JPH3: variants seen among roughly 807,000 people sequenced by gnomAD.
JPH3 encodes junctophilin-3.
In JPH3, 11 loss-of-function variants were observed where a neutral mutation model predicts 59.6. The observed-to-expected ratio is 0.18, with a 90% CI of 0.12 to 0.31. JPH3 has a LOEUF of 0.31. Among genes scored for constraint, JPH3 ranks in the 10% least tolerant of loss-of-function variants. The pLI, the probability that JPH3 is intolerant of heterozygous loss-of-function variation, is 1.00. For missense variants in JPH3, 1,202 were observed against 1,105.7 expected (o/e 1.09, Z -1.24); for synonymous variants, 673 against 483.6 (o/e 1.39, Z -5.14).
chr16:87,625,450 G>A (rs1012610215), intron 1 of JPH3, among the ~76,000 whole-genome samples: 1 of 152,204 alleles, frequency 6.6e-6, no homozygotes, highest in African/African-American at 2.4e-5. Context: ...CCACCTGAGA[G>A]GTCTGAACCC....
intron 1 of JPH3, among the ~76,000 whole-genome samples, chr16:87,607,022 C>T (rs2030546159): frequency 6.6e-6 from 1 of 152,186 alleles, no homozygotes; most frequent in South Asian, 2.1e-4. Context: ...CATCCCAGAG[C>T]CTGGGCCTTT....
intron 4 of JPH3, chr16:87,695,202 C>T: frequency 7.4e-6 from 3 of 406,866 alleles, no homozygotes; most frequent in South Asian, 3.6e-5. Context: ...CTCCTTAATG[C>T]AGGCCTGAGC....
chr16:87,647,477 C>T (rs1055240575), intron 2 of JPH3, among the ~76,000 whole-genome samples: 5 of 152,188 alleles, frequency 3.3e-5, no homozygotes, highest in Non-Finnish European at 7.4e-5. Flanking sequence ...GCCAACCCCC[C>T]GACAGCCTTT....
Position 87,689,681 on chromosome 16 carries a change from T to G in JPH3, c.1321T>G (p.Cys441Gly), listed in dbSNP as rs777895191. The G allele has an allele frequency of 7.4e-6, 12 of 1,612,294 alleles. No individual in the cohort carries two copies. The highest frequency in any genetic ancestry group is 1.0e-5 in the Non-Finnish European group (12 of 1,179,722). ...EYQRPKRQTS[C>G]DDIEVLSTGT... ...CCAGAGGCCGAAGCGTCAGACCTCC[T>G]GTGACGACATCGAGGTGCTGTCCAC... Residue 441 changes from cysteine to glycine, a missense_variant, in exon 4 of 5, where the codon TGT (cysteine) becomes GGT (glycine). By Grantham distance (159) the Cys-to-Gly change is radical (BLOSUM62 -3). Coordinates refer to ENST00000284262, the MANE Select transcript of JPH3 (RefSeq NM_020655.4).
intron 1 of JPH3, among the ~76,000 whole-genome samples, chr16:87,620,968 G>A (rs954180568): frequency 6.6e-6 from 1 of 152,178 alleles, no homozygotes; most frequent in South Asian, 2.1e-4. Flanking sequence ...GACCAGCTTG[G>A]CCAACATGGT....
At chr16:87,683,135 G>C (rs1403229686) in intron 2 of JPH3, among the ~76,000 whole-genome samples, 1 of 152,246 alleles carries the variant, frequency 6.6e-6, no homozygotes, top group Non-Finnish European at 1.5e-5. Flanking sequence ...TCCCAAGTCA[G>C]AGTTGCTGGG....
At chr16:87,694,962 C>T (rs942308809) in intron 4 of JPH3, 35 of 284,940 alleles carry the variant, frequency 1.2e-4, no homozygotes, top group Non-Finnish European at 1.9e-4. Flanking sequence ...CACTGGACAG[C>T]TGGCTCTGCT....
At chr16:87,642,733 C>T (rs74039404) in intron 1 of JPH3, among the ~76,000 whole-genome samples, 26,699 of 152,190 alleles carry the variant, frequency 0.18, 2,713 homozygotes, top group South Asian at 0.32. Context: ...TGAGGCCCAG[C>T]CGTCCTCACG....
intron 2 of JPH3, among the ~76,000 whole-genome samples, chr16:87,676,727 C>T (rs769113521): frequency 2.0e-5 from 3 of 151,308 alleles, no homozygotes; most frequent in Non-Finnish European, 2.9e-5. Flanking sequence ...GAGCAAGACT[C>T]CATCTCAAAA....
At chr16:87,644,206 G>A (rs2032052971) in intron 1 of JPH3, 52 bp from the exon 2 acceptor site, 2 of 1,542,016 alleles carry the variant, frequency 1.3e-6, no homozygotes, top group African/African-American at 2.7e-5. Flanking sequence ...TGGCCAGGCT[G>A]TGCCCCCTCC....
intron 2 of JPH3, among the ~76,000 whole-genome samples, chr16:87,666,289 A>T (rs2032858332): frequency 6.6e-6 from 1 of 151,560 alleles, no homozygotes; most frequent in African/African-American, 2.4e-5. Context: ...GGGTTTCATC[A>T]TGTTGGTCAG....
At chr16:87,641,985 AG>A (rs974027945) in intron 1 of JPH3, among the ~76,000 whole-genome samples, 6 of 148,284 alleles carry the variant, frequency 4.0e-5, no homozygotes, top group South Asian at 4.3e-4. Flanking sequence ...GCTGTGGAGG[AG>A]GGGTGGGGCT....
intron 1 of JPH3, among the ~76,000 whole-genome samples, chr16:87,619,551 C>A (rs1220049045): frequency 6.6e-6 from 1 of 152,186 alleles, no homozygotes; most frequent in Non-Finnish European, 1.5e-5. Flanking sequence ...TAAGCGGCGA[C>A]AGGACAAAGC....
chr16:87,611,851 C>G lies in JPH3; in HGVS notation c.382+8323C>G, dbSNP rs949507599. On this transcript the variant is annotated intron_variant, in intron 1 of 4. Transcript: ENST00000284262. The surrounding 1 kb of genome is among the most constrained non-coding windows in gnomAD (Gnocchi z 4.5). ...AACCACAGTCCTGGGCTTGTGCCTC[C>G]TAAGCCTGGCTACACATTCGAGTCA... Among the ~76,000 whole-genome samples the G allele has an allele frequency of 6.6e-6, 1 of 152,228 alleles. No individual in the cohort carries two copies. Among genetic ancestry groups the G allele is most frequent in the Non-Finnish European group, 1.5e-5 (1 of 68,030 alleles).
chr16:87,666,070 A>G (rs140302977), intron 2 of JPH3, among the ~76,000 whole-genome samples: 1 of 151,346 alleles, frequency 6.6e-6, no homozygotes, highest in Non-Finnish European at 1.5e-5. Flanking sequence ...TATCAGGTAA[A>G]TAACAGGTAC....
intron 2 of JPH3, among the ~76,000 whole-genome samples, chr16:87,668,092 C>G (rs58305102): frequency 6.6e-6 from 1 of 152,154 alleles, no homozygotes; most frequent in Non-Finnish European, 1.5e-5. Flanking sequence ...ATGAGCAGAG[C>G]GCAGCGCCCG....
At position 87,659,341 on chromosome 16, in the gene JPH3, C is replaced by T. The variant is rs545250130; in HGVS notation, c.1160+14306C>T. On this transcript the variant is annotated intron_variant, in intron 2 of 4. Coordinates refer to ENST00000284262, the MANE Select transcript of JPH3 (RefSeq NM_020655.4). ...GCACTGAGCCAAGATCAAGCCACTG[C>T]ACTCCAGCCTGGGTGACAGAGTAAG... Among the ~76,000 whole-genome samples, 675 of 140,254 alleles carry T rather than the reference C, an allele frequency of 4.8e-3. 10 individuals are homozygous for T. The highest frequency in any genetic ancestry group is 0.017 in the African/African-American group (636 of 37,022). The allele number at this position is 140,254 out of a possible 152,430, so 92.0% of individuals were successfully genotyped here.
intron 3 of JPH3, among the ~76,000 whole-genome samples, chr16:87,688,920 G>A (rs999117611): frequency 6.6e-6 from 1 of 152,198 alleles, no homozygotes; most frequent in Non-Finnish European, 1.5e-5. Context: ...ACGGAGCTCC[G>A]GAGAAGTCTC....
At position 87,635,346 on chromosome 16, in the gene JPH3, G is replaced by A. The variant is rs543146530; in HGVS notation, c.383-8912G>A. On this transcript the variant is annotated intron_variant, in intron 1 of 4. Transcript: ENST00000284262. Reference sequence around the variant, plus strand: ...CCGAAACTAAAGTTTTGGGAAGAGTGTCAGCTGACGGGTGGGGCTTCAGAG... The same window carrying A: ...CCGAAACTAAAGTTTTGGGAAGAGTATCAGCTGACGGGTGGGGCTTCAGAG... Among the ~76,000 whole-genome samples the A allele has an allele frequency of 1.4e-3, 212 of 152,296 alleles. 1 individual carries two copies. The highest frequency in any genetic ancestry group is 5.0e-3 in the African/African-American group (207 of 41,562).
Sources: allele counts gnomAD v4.1 joint callset (sites outside exome capture counted in the v4.1 genomes callset), GRCh38; gene constraint gnomAD v4.1.1; non-coding constraint Gnocchi (gnomAD v3.1); transcripts MANE v1.5; gene names NCBI Gene and HGNC (gene_info 2026-07-23, HGNC 2026-07-21).